KLRG2: variants seen among roughly 807,000 people sequenced by gnomAD.
KLRG2 encodes the protein killer cell lectin-like receptor subfamily G member 2.
Under a neutral mutation model 35.4 loss-of-function variants are expected in KLRG2, and 39 were observed. The observed-to-expected ratio is 1.10, with a 90% CI of 0.85 to 1.44. The LOEUF (loss-of-function observed/expected upper bound fraction) is 1.44. Among genes scored for constraint, KLRG2 ranks in the 40% most tolerant of loss-of-function variants. The pLI is 0.00. For synonymous variants in KLRG2, 283 were observed against 265.8 expected, an observed-to-expected ratio of 1.06 and a Z score of -0.63; for missense variants, 632 against 570.9, an observed-to-expected ratio of 1.11 and a Z score of -1.09.
chr7:139,464,700 G>C (rs1796620322), intron 3 of KLRG2, among the ~76,000 whole-genome samples: 1 of 152,228 alleles, frequency 6.6e-6, no homozygotes, highest in Admixed American at 6.5e-5. Flanking sequence ...ACAAGAGCCA[G>C]GACCGCGCCC....
downstream of KLRG2, among the ~76,000 whole-genome samples, chr7:139,450,091 G>A (rs1796353053): frequency 6.6e-6 from 1 of 151,620 alleles, no homozygotes; most frequent in South Asian, 2.1e-4. Context: ...CACCCAGGGT[G>A]GAGTGCAGTG....
the KLRG2 span, among the ~76,000 whole-genome samples, chr7:139,445,224 G>T: frequency 6.6e-6 from 1 of 152,066 alleles, no homozygotes; most frequent in Non-Finnish European, 1.5e-5. Context: ...GGAATTACAG[G>T]TGCCCACCAT....
chr7:139,463,507 C>A (rs1796603782), intron 3 of KLRG2, among the ~76,000 whole-genome samples: 1 of 152,240 alleles, frequency 6.6e-6, no homozygotes, highest in Non-Finnish European at 1.5e-5. Context: ...GCCGCGCACA[C>A]CTAAGCCACA....
intron 3 of KLRG2, among the ~76,000 whole-genome samples, chr7:139,471,973 C>A (rs551074409): frequency 6.6e-6 from 1 of 152,200 alleles, no homozygotes; most frequent in South Asian, 2.1e-4. Flanking sequence ...TACCAGGCCA[C>A]AGACTGTTTC....
At position 139,479,379 on chromosome 7, in the gene KLRG2, C is replaced by A. The variant is rs527799708; in HGVS notation, c.1005+248G>T. 1.3e-3 allele frequency among the ~76,000 whole-genome samples: 205 copies of A among 152,168 alleles called. 1 individual carries two copies. The highest frequency in any genetic ancestry group is 3.0e-3 in the Admixed American group (46 of 15,278). ...TACAGGTGTGAGCCACTGTGCCTGGCCAAAAAAAAATTTTTTTTAAAGCTG... is the reference window on the plus strand; with the variant it reads ...TACAGGTGTGAGCCACTGTGCCTGGACAAAAAAAAATTTTTTTTAAAGCTG... On this transcript the variant is annotated intron_variant, in intron 3 of 4. Transcript: ENST00000340940.
intron 3 of KLRG2, among the ~76,000 whole-genome samples, chr7:139,465,682 ACT>A (rs34118488): frequency 0.093 from 12,959 of 140,042 alleles, 646 homozygotes; most frequent in Middle Eastern, 0.18. Context: ...AGAGTGTGAG[ACT>A]CTGTCTCAAA....
chr7:139,459,804 T>C (rs996072147), intron 3 of KLRG2, among the ~76,000 whole-genome samples: 5 of 151,956 alleles, frequency 3.3e-5, no homozygotes, highest in South Asian at 2.1e-4. Flanking sequence ...CAGGCTGGAG[T>C]GCAGTGGTGC....
At chr7:139,470,324 C>T (rs1203351147) in intron 3 of KLRG2, among the ~76,000 whole-genome samples, 1 of 152,138 alleles carries the variant, frequency 6.6e-6, no homozygotes, top group African/African-American at 2.4e-5. Flanking sequence ...TCCCGAATTG[C>T]TGGGATTACA....
the KLRG2 span, among the ~76,000 whole-genome samples, chr7:139,447,482 C>A: frequency 6.6e-6 from 1 of 151,272 alleles, no homozygotes; most frequent in African/African-American, 2.4e-5. Context: ...CTCACTGCAG[C>A]TTTCACCACC....
At chr7:139,459,547 C>A (rs912977262) in intron 3 of KLRG2, among the ~76,000 whole-genome samples, 1 of 152,154 alleles carries the variant, frequency 6.6e-6, no homozygotes, top group African/African-American at 2.4e-5. Flanking sequence ...TTTGCACAGC[C>A]CATTCCCATC....
At chr7:139,454,832 AATAATAATAATAAT>A (rs1221727228) in intron 3 of KLRG2, among the ~76,000 whole-genome samples, 10 of 69,400 alleles carry the variant, frequency 1.4e-4, no homozygotes, top group Non-Finnish European at 2.3e-4. Flanking sequence ...TAATAATAAT[AATAATAATAATAAT>A]AATAATAATA....
chr7:139,477,497 G>A (rs183859023), intron 3 of KLRG2, among the ~76,000 whole-genome samples: 29 of 152,278 alleles, frequency 1.9e-4, no homozygotes, highest in African/African-American at 7.0e-4. Flanking sequence ...AATACTGTGC[G>A]ATTCCACTTG....
intron 3 of KLRG2, among the ~76,000 whole-genome samples, chr7:139,470,189 C>G (rs1796733024): frequency 6.6e-6 from 1 of 151,972 alleles, no homozygotes; most frequent in Admixed American, 6.6e-5. Context: ...TCCCAAGTAG[C>G]CGGGACTACA....
At chr7:139,433,167 C>T in the KLRG2 span, among the ~76,000 whole-genome samples, 3 of 152,150 alleles carry the variant, frequency 2.0e-5, no homozygotes, top group African/African-American at 4.8e-5. Context: ...GAATAGCAGA[C>T]CAGACTTTCA....
At position 139,483,356 on chromosome 7, in the gene KLRG2, G is replaced by T; in HGVS notation, c.287C>A (p.Pro96Gln). ...GYGVCPEPPS[P>Q]GPALVKLPRN... ...GGGCAGCTTGACCAAGGCAGGGCCCGGTGACGGCGGCTCGGGGCAGACCCC... is the reference window on the plus strand; with the variant it reads ...GGGCAGCTTGACCAAGGCAGGGCCCTGTGACGGCGGCTCGGGGCAGACCCC... Residue 96 changes from proline (P) to glutamine (Q), a missense_variant, in exon 1 of 5, where the codon CCG becomes CAG. Pro to Gln is a moderately conservative substitution (Grantham distance 76). Coordinates refer to ENST00000340940, the MANE Select transcript of KLRG2 (RefSeq NM_198508.4). 6.5e-7 allele frequency: 1 copy of T among 1,541,396 alleles called. No homozygotes were observed. The highest frequency in any genetic ancestry group is 1.4e-5 in the African/African-American group (1 of 70,896).
the KLRG2 span, among the ~76,000 whole-genome samples, chr7:139,430,533 T>TA: frequency 6.6e-6 from 1 of 152,212 alleles, no homozygotes; most frequent in Admixed American, 6.5e-5. Flanking sequence ...AGTGGTGTTG[T>TA]AACATGGTAC....
chr7:139,475,039 G>A (rs2116471244), intron 3 of KLRG2, among the ~76,000 whole-genome samples: 1 of 152,330 alleles, frequency 6.6e-6, no homozygotes, highest in South Asian at 2.1e-4. Context: ...AGAAGAATTG[G>A]AGCAGACAGG....
Position 139,454,165 on chromosome 7 carries a change from C to T in KLRG2, c.1055G>A (p.Trp352Ter). ...PVSRHSWVGA[W>*]RGPQGWHWID... ...CCAGTGCCAGCCCTGGGGGCCTCGC[C>T]AGGCCCCCACCCAGGAGTGCCTGGA... Residue 352 changes from tryptophan to a stop codon, truncating the protein, a stop_gained, in exon 4 of 5, where the codon TGG becomes TAG. Transcript: ENST00000340940. LOFTEE classifies it high-confidence loss of function. 6.5e-7 allele frequency: 1 copy of T among 1,545,046 alleles called. No homozygotes were observed. The highest frequency in any genetic ancestry group is 1.2e-5 in the South Asian group (1 of 83,512).
the KLRG2 span, among the ~76,000 whole-genome samples, chr7:139,435,233 T>G: frequency 1.1e-4 from 17 of 152,336 alleles, no homozygotes; most frequent in African/African-American, 3.6e-4. Context: ...CTCACGCCTG[T>G]AATCCCAGCA....
Sources: allele counts gnomAD v4.1 joint callset (sites outside exome capture counted in the v4.1 genomes callset), GRCh38; gene constraint gnomAD v4.1.1; transcripts MANE v1.5; gene names NCBI Gene and HGNC (gene_info 2026-07-23, HGNC 2026-07-21).